NFS1: variants seen among roughly 807,000 people sequenced by gnomAD.
NFS1 encodes cysteine desulfurase.
A neutral mutation model predicts 57.3 loss-of-function variants in NFS1; 26 were observed. That is an observed-to-expected ratio of 0.45 (90% CI 0.33 to 0.63). The LOEUF (loss-of-function observed/expected upper bound fraction) is 0.63, where lower values mean the gene tolerates loss of function less well. NFS1 is among the 20% of genes least tolerant of loss of function. The pLI, the probability that NFS1 is intolerant of heterozygous loss-of-function variation, is 0.02. For synonymous variants in NFS1, 209 were observed against 216.3 expected, an observed-to-expected ratio of 0.97 and a Z score of 0.30; for missense variants, 505 against 605.8, an observed-to-expected ratio of 0.83 and a Z score of 1.75.
chr20:35,672,343 A>T (rs970661653), intron 12 of NFS1, among the ~76,000 whole-genome samples: 1 of 151,598 alleles, frequency 6.6e-6, no homozygotes, highest in African/African-American at 2.4e-5. Flanking sequence ...TCCCCCTCCC[A>T]GGTTGAAGTG....
At position 35,698,572 on chromosome 20, in the gene NFS1, T is replaced by C; in HGVS notation, c.116A>G (p.Gln39Arg). ...GGCTGTATCTGCGGGAACCGCAGAC[T>C]GAGGAGCACGGTCTCCAACTGATAA... is the stretch of plus-strand genomic sequence containing the variant. ...LRLRVGDRAP[Q>R]SAVPADTAAA... is the part of the protein sequence containing the mutation. The change falls in exon 2 of 13, where the codon CAG becomes CGG. Residue 39 changes from glutamine to arginine, a missense_variant. Coordinates refer to ENST00000374092, the MANE Select transcript of NFS1 (RefSeq NM_021100.5). The C allele has an allele frequency of 6.2e-7, 1 of 1,612,322 alleles. No homozygotes were observed. Among genetic ancestry groups the C allele is most frequent in the Non-Finnish European group, 8.5e-7 (1 of 1,179,438 alleles).
intron 4 of NFS1, among the ~76,000 whole-genome samples, chr20:35,692,760 G>C (rs2035066820): frequency 6.6e-6 from 1 of 151,940 alleles, no homozygotes; most frequent in African/African-American, 2.4e-5. Context: ...CCAGCACTTT[G>C]GGAGACTGAG....
intron 4 of NFS1, among the ~76,000 whole-genome samples, chr20:35,696,047 AAAG>A (rs981604791): frequency 9.9e-5 from 15 of 152,136 alleles, no homozygotes; most frequent in Non-Finnish European, 8.8e-5. Context: ...TCAAAAAAAA[AAAG>A]AAGAATGGAG....
intron 4 of NFS1, among the ~76,000 whole-genome samples, chr20:35,690,816 A>C (rs2035028732): frequency 6.6e-6 from 1 of 152,218 alleles, no homozygotes; most frequent in Non-Finnish European, 1.5e-5. Flanking sequence ...AGGGGTCTCA[A>C]GCTACCCATA....
rs944933925 is a variant in NFS1, at chr20:35,682,163, T to C, written c.562-182A>G. ...CACAGACTCTGAATGGTTCATACAT[T>C]GTTAGTGGGAATGTAAATATCACAG... On this transcript the variant is annotated intron_variant, in intron 5 of 12. Coordinates refer to ENST00000374092, the MANE Select transcript of NFS1 (RefSeq NM_021100.5). Among the ~76,000 whole-genome samples, 7 of 152,246 alleles carry C rather than the reference T, an allele frequency of 4.6e-5. No homozygotes were observed. In the East Asian group the frequency reaches 1.3e-3, roughly 29 times the overall value.
At chr20:35,690,846 A>C (rs2035029078) in intron 4 of NFS1, among the ~76,000 whole-genome samples, 1 of 152,186 alleles carries the variant, frequency 6.6e-6, no homozygotes, top group Non-Finnish European at 1.5e-5. Flanking sequence ...AGTCAAATAC[A>C]AATTCAGGGC....
At chr20:35,695,506 G>A (rs2035117755) in intron 4 of NFS1, among the ~76,000 whole-genome samples, 1 of 152,192 alleles carries the variant, frequency 6.6e-6, no homozygotes, top group Non-Finnish European at 1.5e-5. Flanking sequence ...ACTACTAAAA[G>A]TACCTTTTCC....
intron 5 of NFS1, among the ~76,000 whole-genome samples, chr20:35,689,513 A>C (rs2035004160): frequency 6.6e-6 from 1 of 152,130 alleles, no homozygotes; most frequent in Non-Finnish European, 1.5e-5. Context: ...TCACGCCTGT[A>C]ATCCCAGCAC....
intron 4 of NFS1, among the ~76,000 whole-genome samples, chr20:35,695,971 T>A (rs1601537980): frequency 6.6e-6 from 1 of 151,274 alleles, no homozygotes; most frequent in African/African-American, 2.4e-5. Flanking sequence ...ACCTGGGAGG[T>A]GGAGTTTGCA....
intron 7 of NFS1, among the ~76,000 whole-genome samples, chr20:35,677,589 G>A (rs568383011): frequency 2.6e-4 from 39 of 152,204 alleles, no homozygotes; most frequent in African/African-American, 7.2e-4. Context: ...TAAACAAGCC[G>A]AATTACAGAA....
intron 5 of NFS1, among the ~76,000 whole-genome samples, chr20:35,683,551 C>T (rs1455771434): frequency 3.3e-5 from 5 of 151,352 alleles, no homozygotes; most frequent in African/African-American, 9.7e-5. Flanking sequence ...GAGGCTGAGG[C>T]GGGCGTATCA....
At chr20:35,697,995 C>T (rs1390439893) in intron 2 of NFS1, among the ~76,000 whole-genome samples, 195 bp from the exon 3 acceptor site, 2 of 152,158 alleles carry the variant, frequency 1.3e-5, no homozygotes, top group African/African-American at 4.8e-5. Flanking sequence ...ACTCACAACC[C>T]ATCCCAACTC....
In NFS1 at chr20:35,675,136, C is replaced by G. The variant is rs2034719673; in HGVS notation, c.857G>C (p.Gly286Ala). The G allele has an allele frequency of 6.2e-7, 1 of 1,613,816 alleles. No individual in the cohort carries two copies. Among genetic ancestry groups the G allele is most frequent in the Non-Finnish European group, 8.5e-7 (1 of 1,180,016 alleles). ...CCCAGACCGCATACCCCGCTCCTGC[C>G]CCCCTCCACTCTGCAGGGCCTCCAC... Reference protein sequence around the residue: ...VRVEALQSGGGQERGMRSGTV... With the variant: ...VRVEALQSGGAQERGMRSGTV... Residue 286 changes from glycine (G) to alanine (A), a missense_variant, in exon 8 of 13, where the codon GGG (glycine) becomes GCG (alanine). Coordinates refer to ENST00000374092, the MANE Select transcript of NFS1 (RefSeq NM_021100.5).
At position 35,672,822 on chromosome 20, in the gene NFS1, T is replaced by C. The variant is rs2034679439; in HGVS notation, c.1243A>G (p.Thr415Ala). The change falls in exon 12 of 13, where the codon ACA (threonine) becomes GCA (alanine). Residue 415 changes from threonine to alanine, a missense_variant. Coordinates refer to ENST00000374092, the MANE Select transcript of NFS1 (RefSeq NM_021100.5). ...ACTGTGTAGTCCACTTCCTCCTCTG[T>C]AGTGAAGCGGCCAATTCCAAACCTG... ...SIRFGIGRFT[T>A]EEEVDYTVEK... The C allele has an allele frequency of 6.2e-7, 1 of 1,608,378 alleles. No homozygotes were observed. The highest frequency in any genetic ancestry group is 8.5e-7 in the Non-Finnish European group (1 of 1,177,602).
At chr20:35,669,860 T>TA (rs1384959867) in intron 12 of NFS1, among the ~76,000 whole-genome samples, 175 bp from the exon 13 acceptor site, 1 of 152,162 alleles carries the variant, frequency 6.6e-6, no homozygotes, top group African/African-American at 2.4e-5. Context: ...CAGCTCCCTG[T>TA]AAGTCCTTGT....
chr20:35,698,933 G>C (rs1349292124), intron 1 of NFS1: 41 of 1,308,832 alleles, frequency 3.1e-5, no homozygotes, highest in Non-Finnish European at 3.9e-5. Context: ...GCCCGGAGCA[G>C]CATCTGTAAC....
chr20:35,672,891 TG>T lies in NFS1; in HGVS notation c.1221-48del, dbSNP rs148568959. The T allele has an allele frequency of 2.0e-3, 2,251 of 1,126,122 alleles. 30 individuals are homozygous for T. The East Asian group carries it at 0.031, about 16-fold the overall frequency. 69.8% of individuals were successfully genotyped at this position (1,126,122 alleles called of 1,614,324 possible). A position where few individuals can be genotyped will look rare whatever the true frequency, so the allele number is the denominator to read the frequency against. On this transcript the variant is annotated intron_variant, in intron 11 of 12. Coordinates refer to ENST00000374092, the MANE Select transcript of NFS1 (RefSeq NM_021100.5). ...TGGCTCCCCATCAGAGCTCTGGCACTGGGATAAATTCATTCCGCAAATACTC... is the reference window on the plus strand; with the variant it reads ...TGGCTCCCCATCAGAGCTCTGGCACTGGATAAATTCATTCCGCAAATACTC...
intron 11 of NFS1, among the ~76,000 whole-genome samples, 195 bp from the exon 12 acceptor site, chr20:35,673,039 A>G (rs2034683422): frequency 6.6e-6 from 1 of 152,136 alleles, no homozygotes; most frequent in Non-Finnish European, 1.5e-5. Flanking sequence ...TGTAATTCCA[A>G]CAGTTTGGGA....
intron 5 of NFS1, among the ~76,000 whole-genome samples, chr20:35,683,790 CAAAA>C (rs151037025): frequency 9.3e-5 from 5 of 54,024 alleles, no homozygotes; most frequent in Non-Finnish European, 1.9e-4. Context: ...GACTCCATCT[CAAAA>C]AAAAAAAAAA....
Sources: allele counts gnomAD v4.1 joint callset (sites outside exome capture counted in the v4.1 genomes callset), GRCh38; gene constraint gnomAD v4.1.1; transcripts MANE v1.5; gene names NCBI Gene and HGNC (gene_info 2026-07-23, HGNC 2026-07-21).